FOXJ2: variants seen among roughly 807,000 people sequenced by gnomAD.
FOXJ2 encodes forkhead box protein J2.
FOXJ2 carries 18 observed loss-of-function variants against 68.4 expected under a neutral mutation model. That is an observed-to-expected ratio of 0.26 (90% CI 0.18 to 0.39). FOXJ2 has a LOEUF of 0.39. FOXJ2 is among the 10% of genes least tolerant of loss of function. FOXJ2 has a pLI of 1.00. For synonymous variants in FOXJ2, 274 were observed against 263.2 expected (o/e 1.04, Z -0.40); for missense variants, 670 against 726.5 (o/e 0.92, Z 0.89).
At position 8,038,535 on chromosome 12, in the gene FOXJ2, CA is replaced by C. The variant is rs1946925424; in HGVS notation, c.-14-1282del. On this transcript the variant is annotated intron_variant, in intron 1 of 10. Transcript: ENST00000162391. This position sits in a 1 kb window ranked among gnomAD's most constrained non-coding sequence, Gnocchi z 5.3. Reference sequence around the variant, plus strand: ...AGTGCCCTGGTGGGACTGAGGAAGACAATGTTAGCTGGCATCTGGCGGCTGT... The same window carrying C: ...AGTGCCCTGGTGGGACTGAGGAAGACATGTTAGCTGGCATCTGGCGGCTGT... Among the ~76,000 whole-genome samples the C allele has an allele frequency of 6.6e-6, 1 of 152,152 alleles. No individual in the cohort carries two copies. The highest frequency in any genetic ancestry group is 6.5e-5 in the Admixed American group (1 of 15,276).
chr12:8,052,365 C>T (rs996756742), intron 10 of FOXJ2, among the ~76,000 whole-genome samples: 1 of 151,974 alleles, frequency 6.6e-6, no homozygotes, highest in Non-Finnish European at 1.5e-5. Flanking sequence ...ACTACAGGCA[C>T]ATGTGACCAC....
At chr12:8,037,323 G>A (rs1946910705) in intron 1 of FOXJ2, among the ~76,000 whole-genome samples, 1 of 152,140 alleles carries the variant, frequency 6.6e-6, no homozygotes, top group Non-Finnish European at 1.5e-5. Context: ...GCTGCTTGTA[G>A]CTGGTGAGAT....
At position 8,033,411 on chromosome 12, in the gene FOXJ2, T is replaced by C. The variant is rs1946860483; in HGVS notation, c.-437T>C. The C allele has an allele frequency of 6.6e-6, 1 of 152,502 alleles. No individual in the cohort carries two copies. The highest frequency in any genetic ancestry group is 6.5e-5 in the Admixed American group (1 of 15,280). 9.4% of individuals were successfully genotyped at this position (152,502 alleles called of 1,614,324 possible). On this transcript the variant is annotated 5_prime_UTR_variant, in exon 1 of 11. Transcript: ENST00000162391. ...GAGAGGGGAAGACCTCCCCCTCAAC[T>C]TCCTCGTGCCTAGACAGTGGAACGG...
rs1216711466 is a variant in FOXJ2 at position 8,042,608 on chromosome 12, G to A, written c.334-50G>A. ...GTCCCTCTGTGTTCTATTGGAAAAT[G>A]TTCTGCTCTGCATAATGCTCAGGCC... On this transcript the variant is annotated intron_variant, in intron 2 of 10. Transcript: ENST00000162391. The A allele has an allele frequency of 2.7e-6, 4 of 1,493,362 alleles. No individual in the cohort carries two copies. The African/African-American group carries it at 4.1e-5, about 15-fold the overall frequency. 92.5% of individuals were successfully genotyped at this position (1,493,362 alleles called of 1,614,324 possible). A position where few individuals can be genotyped will look rare whatever the true frequency, so the allele number is the denominator to read the frequency against.
At position 8,052,990 on chromosome 12, in the gene FOXJ2, C is replaced by G. The variant is rs1947145510; in HGVS notation, c.*140C>G. 4.1e-6 allele frequency: 2 copies of G among 487,066 alleles called. No individual in the cohort carries two copies. The highest frequency in any genetic ancestry group is 8.1e-5 in the South Asian group (2 of 24,676). The allele number at this position is 487,066 out of a possible 1,614,324, so 30.2% of individuals were successfully genotyped here. A position where few individuals can be genotyped will look rare whatever the true frequency, so the allele number is the denominator to read the frequency against. ...TTTGTTCTTTCTCTGTCAGAGAAGC[C>G]ACTGCAAGATGCTGCCGAAGATAAC... On this transcript the variant is annotated 3_prime_UTR_variant, in exon 11 of 11. Coordinates refer to ENST00000162391, the MANE Select transcript of FOXJ2 (RefSeq NM_018416.3).
rs763533392 is a variant in FOXJ2 at position 8,042,723 on chromosome 12, C to A, written c.399C>A (p.Asp133Glu). The A allele has an allele frequency of 1.9e-6, 3 of 1,613,582 alleles. No homozygotes were observed. The South Asian group carries it at 3.3e-5, about 18-fold the overall frequency. ...CFRKVPRPRD[D>E]PGKGSYWTID... ...GGAAGGTGCCCAGACCTCGGGATGACCCTGGGAAGGTAAGATACTACTGTA... is the reference window on the plus strand; with the variant it reads ...GGAAGGTGCCCAGACCTCGGGATGAACCTGGGAAGGTAAGATACTACTGTA... Residue 133 changes from aspartate (D) to glutamate (E), a missense_variant, in exon 3 of 11, where the codon GAC (aspartate) becomes GAA (glutamate). Asp to Glu is a conservative substitution (Grantham distance 45). This residue lies in a region of FOXJ2 where 555 missense variants were observed against 562.2 expected (regional missense o/e 0.99). Coordinates refer to ENST00000162391, the MANE Select transcript of FOXJ2 (RefSeq NM_018416.3).
At chr12:8,039,514 A>G (rs1946937866) in intron 1 of FOXJ2, among the ~76,000 whole-genome samples, 2 of 152,168 alleles carry the variant, frequency 1.3e-5, no homozygotes, top group African/African-American at 4.8e-5. Context: ...GTTTAAAAAT[A>G]CTATGTTGTA....
intron 10 of FOXJ2, among the ~76,000 whole-genome samples, chr12:8,050,925 TC>T (rs1466873274): frequency 1.0e-5 from 1 of 96,052 alleles, no homozygotes; most frequent in African/African-American, 4.2e-5. Flanking sequence ...TCCTTCCCCT[TC>T]CCTTCCCCTT....
Position 8,033,156 on chromosome 12 carries a change from G to A in FOXJ2, c.-692G>A. On this transcript the variant is annotated 5_prime_UTR_variant, in exon 1 of 11. Coordinates refer to ENST00000162391, the MANE Select transcript of FOXJ2 (RefSeq NM_018416.3). ...GTACTGGCCGGGGAGGAGACCCCCA[G>A]AAGTGGAAAGAAGGGAGCTTTCCGT... The A allele has an allele frequency of 3.1e-6, 1 of 326,832 alleles. No homozygotes were observed. The highest frequency in any genetic ancestry group is 5.5e-6 in the Non-Finnish European group (1 of 180,928). 20.2% of individuals were successfully genotyped at this position (326,832 alleles called of 1,614,324 possible). A position where few individuals can be genotyped will look rare whatever the true frequency, so the allele number is the denominator to read the frequency against.
intron 1 of FOXJ2, among the ~76,000 whole-genome samples, chr12:8,037,423 C>A (rs1033029887): frequency 6.6e-6 from 1 of 152,126 alleles, no homozygotes; most frequent in Non-Finnish European, 1.5e-5. Flanking sequence ...AGTGTCCTAA[C>A]CTGGTGCTAG....
At chr12:8,047,341 C>T (rs933978640) in intron 6 of FOXJ2, among the ~76,000 whole-genome samples, 10 of 152,032 alleles carry the variant, frequency 6.6e-5, no homozygotes, top group Admixed American at 2.0e-4. Flanking sequence ...CTCAGCTACT[C>T]GGGAGGCTGA....
At chr12:8,045,721 G>A (rs550762739) in intron 6 of FOXJ2, among the ~76,000 whole-genome samples, 1 of 150,238 alleles carries the variant, frequency 6.7e-6, no homozygotes, top group Non-Finnish European at 1.5e-5. Context: ...GCAGTGTCGC[G>A]ATCTCGGCTC....
chr12:8,033,661 T>G lies in FOXJ2; in HGVS notation c.-187T>G, dbSNP rs745618644. ...CCCCTCCCCCTCCTCCAACCTTGACTCCTCATCCTCAGGGGACCCAGTTCC... is the reference window on the plus strand; with the variant it reads ...CCCCTCCCCCTCCTCCAACCTTGACGCCTCATCCTCAGGGGACCCAGTTCC... On this transcript the variant is annotated 5_prime_UTR_variant, in exon 1 of 11. Transcript: ENST00000162391. 2 of 152,694 alleles carry G rather than the reference T, an allele frequency of 1.3e-5. No individual in the cohort carries two copies. The highest frequency in any genetic ancestry group is 3.9e-4 in the East Asian group (2 of 5,136). 9.5% of individuals were successfully genotyped at this position (152,694 alleles called of 1,614,324 possible).
intron 10 of FOXJ2, among the ~76,000 whole-genome samples, chr12:8,052,021 A>G (rs1223454418): frequency 6.6e-6 from 1 of 151,962 alleles, no homozygotes; most frequent in African/African-American, 2.4e-5. Flanking sequence ...GGCGCCCGCC[A>G]CTGTGCCTGG....
chr12:8,052,916 AC>A lies in FOXJ2; in HGVS notation c.*70del. 1 of 1,260,242 alleles carries A rather than the reference AC, an allele frequency of 7.9e-7. No individual in the cohort carries two copies. The allele number at this position is 1,260,242 out of a possible 1,614,324, so 78.1% of individuals were successfully genotyped here. ...GAAATCTGGCAGTGGGGAAAGAGCA[AC>A]CCCAGCCCGTCCCTTCCCCCCGTCT... On this transcript the variant is annotated 3_prime_UTR_variant, in exon 11 of 11. Transcript: ENST00000162391.
In FOXJ2 at chr12:8,035,627, G is replaced by C. The variant is rs1033710749; in HGVS notation, c.-15+1794G>C. On this transcript the variant is annotated intron_variant, in intron 1 of 10. Transcript: ENST00000162391. The surrounding 1 kb of genome is among the most constrained non-coding windows in gnomAD (Gnocchi z 4.0). The stretch of plus-strand genomic sequence containing the variant: ...CGTGCACCTGCCTGAATGGCTCAGG[G>C]TGAACTATATCACAACATCTCCAAG... Among the ~76,000 whole-genome samples the C allele has an allele frequency of 1.3e-5, 2 of 152,154 alleles. No homozygotes were observed. The highest frequency in any genetic ancestry group is 2.9e-5 in the Non-Finnish European group (2 of 68,038).
rs756440422 is a variant in FOXJ2, at chr12:8,035,381, C to T, written c.-15+1548C>T. On this transcript the variant is annotated intron_variant, in intron 1 of 10. Coordinates refer to ENST00000162391, the MANE Select transcript of FOXJ2 (RefSeq NM_018416.3). This position sits in a 1 kb window ranked among gnomAD's most constrained non-coding sequence, Gnocchi z 4.0. ...CCCCAGTCAATGGGAGCCCTCGTGA[C>T]GGTCTACAGGACAGTCCTTTAAGCA... Among the ~76,000 whole-genome samples, 10 of 152,224 alleles carry T rather than the reference C, an allele frequency of 6.6e-5. No homozygotes were observed. The highest frequency in any genetic ancestry group is 1.9e-4 in the African/African-American group (8 of 41,540).
At chr12:8,037,964 G>A (rs1274183584) in intron 1 of FOXJ2, among the ~76,000 whole-genome samples, 1 of 152,196 alleles carries the variant, frequency 6.6e-6, no homozygotes, top group Admixed American at 6.5e-5. Flanking sequence ...GAAGAGGATA[G>A]TGGGAGAGAA....
In FOXJ2 at chr12:8,052,819, C is replaced by T; in HGVS notation, c.1694C>T (p.Pro565Leu). 1 of 1,609,290 alleles carries T rather than the reference C, an allele frequency of 6.2e-7. No homozygotes were observed. The highest frequency in any genetic ancestry group is 8.5e-7 in the Non-Finnish European group (1 of 1,177,304). ...VPPPGANEEI[P>L]DDFDWDLIT Reference sequence around the variant, plus strand: ...CCTCCTGGTGCCAATGAGGAGATCCCTGATGACTTCGACTGGGACTTGATC... The same window carrying T: ...CCTCCTGGTGCCAATGAGGAGATCCTTGATGACTTCGACTGGGACTTGATC... Residue 565 changes from proline to leucine, a missense_variant, in exon 11 of 11, where the codon CCT becomes CTT. By Grantham distance (98) the Pro-to-Leu change is moderately conservative (BLOSUM62 -3). Around this residue, in one of 2 missense-constraint regions of FOXJ2, gnomAD observed 555 missense variants for 562.2 expected, o/e 0.99. Coordinates refer to ENST00000162391, the MANE Select transcript of FOXJ2 (RefSeq NM_018416.3).
Sources: gnomAD v4.1 joint callset for allele counts (sites outside exome capture counted in the v4.1 genomes callset) on GRCh38, gnomAD v4.1.1 for gene constraint, gnomAD v4.1.1 regional missense constraint, Gnocchi (gnomAD v3.1) non-coding constraint, MANE v1.5 for transcripts, NCBI Gene and HGNC (gene_info 2026-07-23, HGNC 2026-07-21) for gene names.